The following ANO1 variants were observed in gnomAD, a reference collection of about 807,000 sequenced individuals.
The protein encoded by ANO1 is anoctamin-1.
Under a neutral mutation model 124.0 loss-of-function variants are expected in ANO1, and 59 were observed. The ratio of observed to expected loss-of-function variants is 0.48; its 90% CI spans 0.39 to 0.59. The LOEUF (loss-of-function observed/expected upper bound fraction) is 0.59. ANO1 is among the 20% of genes least tolerant of loss of function. The pLI is 0.00. For missense variants in ANO1, 1,059 were observed against 1,328.0 expected (o/e 0.80, Z 3.15); for synonymous variants, 529 against 532.0 (o/e 0.99, Z 0.08).
upstream of ANO1, chr11:70,078,191 C>T (rs939246942): frequency 6.6e-6 from 1 of 152,650 alleles, no homozygotes; most frequent in Non-Finnish European, 1.5e-5. Context: ...TGGAGGGGCC[C>T]GCAGGAATGG....
chr11:70,083,920 G>A (rs973134917), intron 1 of ANO1, among the ~76,000 whole-genome samples: 9 of 152,368 alleles, frequency 5.9e-5, no homozygotes, highest in African/African-American at 1.9e-4. Context: ...GGCCAGAGGG[G>A]CTGGCCACCT....
chr11:69,974,540 C>A, the ANO1 span, among the ~76,000 whole-genome samples: 4 of 152,204 alleles, frequency 2.6e-5, no homozygotes, highest in Non-Finnish European at 5.9e-5. Flanking sequence ...AGGTGTGCAG[C>A]AGTAGTCTCT....
chr11:70,162,807 G>C (rs1366611171), intron 18 of ANO1, among the ~76,000 whole-genome samples: 1 of 152,216 alleles, frequency 6.6e-6, no homozygotes, highest in African/African-American at 2.4e-5. Context: ...CCCCACACCA[G>C]CCCCTAGAAA....
At chr11:69,972,212 GA>G in the ANO1 span, among the ~76,000 whole-genome samples, 1 of 137,372 alleles carries the variant, frequency 7.3e-6, no homozygotes, top group East Asian at 2.1e-4. Context: ...AAAAAAAAGT[GA>G]AGGTGAAATC....
chr11:70,099,041 G>A (rs77687089), intron 2 of ANO1, among the ~76,000 whole-genome samples: 14,597 of 152,232 alleles, frequency 0.096, 1,033 homozygotes, highest in Admixed American at 0.18. Flanking sequence ...CTGGGGGGCT[G>A]ACTCTGTCCC....
intron 2 of ANO1, among the ~76,000 whole-genome samples, chr11:70,091,011 C>T (rs373173826): frequency 2.0e-5 from 3 of 152,222 alleles, no homozygotes; most frequent in Non-Finnish European, 2.9e-5. Flanking sequence ...GCCCCTAGGG[C>T]TGTTGGAAGG....
At chr11:69,984,486 G>C (rs1254667699), upstream of ANO1, among the ~76,000 whole-genome samples, 3 of 128,088 alleles carry the variant, frequency 2.3e-5, no homozygotes, top group East Asian at 2.4e-4. Context: ...CTTGCCTCTC[G>C]TCTCCTTTTA....
chr11:70,093,117 C>CCTT (rs34385320), intron 2 of ANO1, among the ~76,000 whole-genome samples: 100,246 of 150,342 alleles, frequency 0.67, 33,682 homozygotes, highest in Middle Eastern at 0.76. Context: ...GTCTCTCTGT[C>CCTT]CTTTCTCTTT....
chr11:70,061,462 C>G lies in ANO1; in HGVS notation c.59-17080C>G, dbSNP rs562873131. Among the ~76,000 whole-genome samples the G allele has an allele frequency of 4.6e-5, 7 of 151,738 alleles. No individual in the cohort carries two copies. The South Asian group carries it at 8.4e-4, about 18-fold the overall frequency. On this transcript the variant is annotated intron_variant, in intron 1 of 27. Transcript: ENST00000531349. ...TCCTCTTTTCTCTCTCCTTCTCTCTCTCTCTCTCCCCACCTCCCCCTCCCC... is the reference window on the plus strand; with the variant it reads ...TCCTCTTTTCTCTCTCCTTCTCTCTGTCTCTCTCCCCACCTCCCCCTCCCC...
At position 70,156,960 on chromosome 11, in the gene ANO1, A is replaced by G. The variant is rs750808284; in HGVS notation, c.1517A>G (p.Lys506Arg). 1 of 1,613,704 alleles carries G rather than the reference A, an allele frequency of 6.2e-7. No homozygotes were observed. ...MAGVKLTDKV[K>R]LTWRDRFPAY... ...TTTGTGTTGTAGACTGACAAAGTGA[A>G]GCTGACATGGAGAGATCGGTTCCCA... The change falls in exon 16 of 26, where the codon AAG becomes AGG. Residue 506 changes from lysine (K) to arginine (R), a missense_variant. By Grantham distance (26) the Lys-to-Arg change is conservative (BLOSUM62 2). This residue lies in a region of ANO1 where 809 missense variants were observed against 1,094.9 expected (regional missense o/e 0.74). Transcript: ENST00000355303.
At chr11:70,109,146 A>G (rs2045672417) in intron 6 of ANO1, among the ~76,000 whole-genome samples, 1 of 152,196 alleles carries the variant, frequency 6.6e-6, no homozygotes, top group Non-Finnish European at 1.5e-5. Flanking sequence ...ATCACTCTGT[A>G]GAAGCCTCTG....
At chr11:70,075,482 AT>A (rs2044046477), upstream of ANO1, 2 of 149,406 alleles carry the variant, frequency 1.3e-5, no homozygotes, top group African/African-American at 5.1e-5. Context: ...AAAAAAAAAA[AT>A]CAGCAAAGAC....
chr11:70,146,043 C>T (rs2047365786), intron 11 of ANO1, among the ~76,000 whole-genome samples: 1 of 152,010 alleles, frequency 6.6e-6, no homozygotes, highest in Admixed American at 6.6e-5. Flanking sequence ...TCTCTGTGCC[C>T]CCATTTCCTC....
At chr11:69,998,730 C>T (rs1418519935) in intron 1 of ANO1, among the ~76,000 whole-genome samples, 7 of 152,110 alleles carry the variant, frequency 4.6e-5, no homozygotes, top group African/African-American at 1.4e-4. Context: ...GGTGGTTCAC[C>T]TGAGGTCAGG....
At chr11:70,067,397 C>T (rs1329648596) in intron 1 of ANO1, among the ~76,000 whole-genome samples, 4 of 150,884 alleles carry the variant, frequency 2.7e-5, no homozygotes, top group Non-Finnish European at 3.0e-5. Flanking sequence ...GCGCAATCTC[C>T]GCTCACTGCA....
intron 2 of ANO1, among the ~76,000 whole-genome samples, chr11:70,088,749 A>G (rs1475366999): frequency 6.6e-6 from 1 of 151,958 alleles, no homozygotes; most frequent in African/African-American, 2.4e-5. Flanking sequence ...GGGAGGACAA[A>G]GCTCTCCTGG....
Position 70,161,148 on chromosome 11 carries a change from T to A in ANO1, c.1579-13T>A. 6.2e-7 allele frequency: 1 copy of A among 1,611,372 alleles called. No individual in the cohort carries two copies. The highest frequency in any genetic ancestry group is 8.5e-7 in the Non-Finnish European group (1 of 1,179,022). ...TGGGCCCCCAACCAAGAGTGCCCCT[T>A]TCCCCCCTGCAGATTGCAGTGACGT... On this transcript the variant is annotated splice_polypyrimidine_tract_variant and intron_variant, in intron 16 of 25. Coordinates refer to ENST00000355303, the MANE Select transcript of ANO1 (RefSeq NM_018043.7).
intron 1 of ANO1, among the ~76,000 whole-genome samples, chr11:70,006,755 C>T (rs1856499488): frequency 7.0e-6 from 1 of 142,154 alleles, no homozygotes. Context: ...CTGCAACCTT[C>T]ACCTCTCTGG....
Position 70,078,570 on chromosome 11 carries a change from C to G in ANO1, c.-37C>G. ...CCGCCGGGGCCGTGGATGGGGAGGG[C>G]GCGCCGCCCGGCGGTCCCAGCGCAC... On this transcript the variant is annotated 5_prime_UTR_variant, in exon 1 of 26. Coordinates refer to ENST00000355303, the MANE Select transcript of ANO1 (RefSeq NM_018043.7). The G allele has an allele frequency of 7.2e-7, 1 of 1,388,514 alleles. No homozygotes were observed. Among genetic ancestry groups the G allele is most frequent in the South Asian group, 1.3e-5 (1 of 76,712 alleles). The allele number at this position is 1,388,514 out of a possible 1,614,324, so 86.0% of individuals were successfully genotyped here. A position where few individuals can be genotyped will look rare whatever the true frequency, so the allele number is the denominator to read the frequency against.
Sources: gnomAD v4.1 joint callset for allele counts (sites outside exome capture counted in the v4.1 genomes callset) on GRCh38, gnomAD v4.1.1 for gene constraint, gnomAD v4.1.1 regional missense constraint, MANE v1.5 for transcripts, NCBI Gene and HGNC (gene_info 2026-07-23, HGNC 2026-07-21) for gene names.